EPHA6: variants seen among roughly 807,000 people sequenced by gnomAD.
The protein encoded by EPHA6 is EPH receptor A6.
Under a neutral mutation model 112.0 loss-of-function variants are expected in EPHA6, and 50 were observed. That is an observed-to-expected ratio of 0.45 (90% CI 0.36 to 0.56). The LOEUF is 0.56. Among genes scored for constraint, EPHA6 ranks in the 20% least tolerant of loss-of-function variants. EPHA6 has a pLI of 0.00. For missense variants in EPHA6, 1,280 were observed against 1,417.4 expected, an observed-to-expected ratio of 0.90 and a Z score of 1.56; for synonymous variants, 529 against 490.7, an observed-to-expected ratio of 1.08 and a Z score of -1.03.
At chr3:97,025,009 G>A (rs1348355322) in intron 3 of EPHA6, among the ~76,000 whole-genome samples, 2 of 152,140 alleles carry the variant, frequency 1.3e-5, no homozygotes, top group Admixed American at 1.3e-4. Context: ...ATGTAAAGAG[G>A]GGGCAATGTA....
At chr3:97,120,557 T>A (rs908407771) in intron 3 of EPHA6, among the ~76,000 whole-genome samples, 4 of 151,532 alleles carry the variant, frequency 2.6e-5, no homozygotes, top group African/African-American at 9.7e-5. Flanking sequence ...GGAGTAGGTT[T>A]AAAAAATTAA....
At chr3:97,653,203 A>C in intron 14 of EPHA6, among the ~76,000 whole-genome samples, 1 of 152,158 alleles carries the variant, frequency 6.6e-6, no homozygotes, top group East Asian at 1.9e-4. Context: ...AAAGGAAACA[A>C]TCAACAAAAT....
chr3:96,841,244 G>T (rs542025905), intron 1 of EPHA6, among the ~76,000 whole-genome samples: 1 of 152,176 alleles, frequency 6.6e-6, no homozygotes, highest in African/African-American at 2.4e-5. Flanking sequence ...TTAAGTTTCT[G>T]ATTAACCTTT....
rs79034046 is a variant in EPHA6, at chr3:97,292,274, G to A, written c.1606+47987G>A. ...TGGCTCAGGGAGCCCCAAGGTCTGC[G>A]CTCCTAGAAGGACCACAGCTCTTCT... On this transcript the variant is annotated intron_variant, in intron 5 of 17. Coordinates refer to ENST00000389672, the MANE Select transcript of EPHA6 (RefSeq NM_001080448.3). Among the ~76,000 whole-genome samples the A allele has an allele frequency of 7.3e-3, 1,106 of 152,334 alleles. 3 individuals are homozygous for A. The highest frequency in any genetic ancestry group is 0.02 in the Middle Eastern group (6 of 294).
intron 5 of EPHA6, among the ~76,000 whole-genome samples, chr3:97,328,532 C>A (rs2108811417): frequency 6.6e-6 from 1 of 152,032 alleles, no homozygotes. Flanking sequence ...TTCACATTCT[C>A]TAATTGATTG....
chr3:97,236,581 G>A (rs1295307506), intron 4 of EPHA6, among the ~76,000 whole-genome samples: 2 of 152,022 alleles, frequency 1.3e-5, no homozygotes, highest in African/African-American at 2.4e-5. Context: ...AATTTCTTTT[G>A]TATTGTTTTA....
intron 10 of EPHA6, among the ~76,000 whole-genome samples, chr3:97,518,825 AATT>A (rs2092490561): frequency 6.6e-6 from 1 of 151,536 alleles, no homozygotes; most frequent in Non-Finnish European, 1.5e-5. Context: ...TTTTTAATAA[AATT>A]ATTTGTTTTT....
intron 5 of EPHA6, among the ~76,000 whole-genome samples, chr3:97,291,270 G>GTT (rs1338522904): frequency 1.3e-5 from 2 of 152,070 alleles, no homozygotes; most frequent in Non-Finnish European, 2.9e-5. Context: ...TTACATTTTT[G>GTT]TTGAAGCTTG....
intron 2 of EPHA6, among the ~76,000 whole-genome samples, chr3:96,874,268 A>C (rs1366130194): frequency 1.3e-5 from 2 of 152,174 alleles, no homozygotes; most frequent in East Asian, 3.9e-4. Flanking sequence ...AATCAAACTA[A>C]GGATGCTTAA....
intron 2 of EPHA6, among the ~76,000 whole-genome samples, chr3:96,880,300 A>G (rs2037235237): frequency 6.6e-6 from 1 of 152,206 alleles, no homozygotes; most frequent in Admixed American, 6.5e-5. Context: ...AATAAAGTTA[A>G]TTAAAAAACC....
intron 2 of EPHA6, among the ~76,000 whole-genome samples, chr3:96,897,016 T>A (rs2038308238): frequency 6.6e-6 from 1 of 152,154 alleles, no homozygotes; most frequent in South Asian, 2.1e-4. Flanking sequence ...ATAAAAATAG[T>A]ATGATCTTTA....
chr3:97,252,172 G>T (rs1462780811), intron 5 of EPHA6, among the ~76,000 whole-genome samples: 2 of 152,106 alleles, frequency 1.3e-5, no homozygotes, highest in African/African-American at 4.8e-5. Context: ...AAGTAAAAGA[G>T]AGGGTCCCTT....
intron 4 of EPHA6, among the ~76,000 whole-genome samples, chr3:97,233,349 T>C (rs2078587968): frequency 6.7e-6 from 1 of 148,182 alleles, no homozygotes; most frequent in Non-Finnish European, 1.5e-5. Flanking sequence ...CTTCAAAACA[T>C]TATGTCTTCT....
intron 2 of EPHA6, among the ~76,000 whole-genome samples, chr3:96,965,883 T>C (rs1160816769): frequency 1.3e-5 from 2 of 152,132 alleles, no homozygotes; most frequent in Non-Finnish European, 2.9e-5. Flanking sequence ...AGTTTGCTAC[T>C]GAACAGCCAG....
intron 3 of EPHA6, among the ~76,000 whole-genome samples, chr3:97,205,843 TAA>T (rs1360973653): frequency 6.6e-6 from 1 of 152,138 alleles, no homozygotes; most frequent in African/African-American, 2.4e-5. Context: ...GACACCATGC[TAA>T]ACATGTTACA....
chr3:96,913,369 C>CAA (rs11395372), intron 2 of EPHA6, among the ~76,000 whole-genome samples: 47 of 145,730 alleles, frequency 3.2e-4, no homozygotes, highest in Admixed American at 6.2e-4. Flanking sequence ...GACCCTCTCT[C>CAA]AAAAAAAAAA....
At chr3:97,149,330 G>A (rs1576575440) in intron 3 of EPHA6, among the ~76,000 whole-genome samples, 1 of 152,066 alleles carries the variant, frequency 6.6e-6, no homozygotes, top group Admixed American at 6.6e-5. Flanking sequence ...AGGATGCTTG[G>A]CAATCGTGTT....
intron 3 of EPHA6, among the ~76,000 whole-genome samples, chr3:97,016,622 G>A (rs879939510): frequency 2.0e-5 from 3 of 152,030 alleles, no homozygotes; most frequent in Non-Finnish European, 2.9e-5. Context: ...AAGTTTTGAC[G>A]TATGTCTAGA....
intron 10 of EPHA6, among the ~76,000 whole-genome samples, chr3:97,531,378 T>C (rs527329614): frequency 6.6e-6 from 1 of 152,174 alleles, no homozygotes; most frequent in South Asian, 2.1e-4. Context: ...TGCTGCCCTG[T>C]GTCCATGTCA....
Sources: allele counts gnomAD v4.1 joint callset (sites outside exome capture counted in the v4.1 genomes callset), GRCh38; gene constraint gnomAD v4.1.1; transcripts MANE v1.5; gene names NCBI Gene and HGNC (gene_info 2026-07-23, HGNC 2026-07-21).